DGKQ: variants seen among roughly 807,000 people sequenced by gnomAD.
DGKQ encodes the protein DAG kinase theta.
A neutral mutation model predicts 104.2 loss-of-function variants in DGKQ; 97 were observed. The observed-to-expected ratio is 0.93, with a 90% confidence interval of 0.79 to 1.10. The LOEUF (loss-of-function observed/expected upper bound fraction) is 1.10, where lower values mean the gene tolerates loss of function less well. DGKQ is among the 50% of genes least tolerant of loss of function. The pLI is 0.00. For missense variants in DGKQ, 1,465 were observed against 1,352.1 expected (o/e 1.08, Z -1.31); for synonymous variants, 736 against 595.2 (o/e 1.24, Z -3.44).
At chr4:972,505 C>T (rs1415104111) in intron 1 of DGKQ, among the ~76,000 whole-genome samples, 1 of 152,202 alleles carries the variant, frequency 6.6e-6, no homozygotes, top group Non-Finnish European at 1.5e-5. Context: ...GGCCAGGACA[C>T]AGTAAGTGTC....
chr4:970,733 C>G (rs1202907764), intron 2 of DGKQ, among the ~76,000 whole-genome samples: 2 of 152,142 alleles, frequency 1.3e-5, no homozygotes, highest in Non-Finnish European at 2.9e-5. Context: ...CATCTGTGCT[C>G]CCTTTAGTTT....
At position 961,084 on chromosome 4, in the gene DGKQ, G is replaced by C; in HGVS notation, c.2692C>G (p.Pro898Ala). ...QVDGEPWVQA[P>A]GHMIISAAGP... ...GCAGCTGAGATGATCATGTGCCCCG[G>C]GGCCTGGACCCAGGGCTCCCCGTCC... The change falls in exon 22 of 23, where the codon CCG becomes GCG. Residue 898 changes from proline (P) to alanine (A), a missense_variant. Physicochemically the swap from Pro to Ala is conservative, Grantham distance 27. Transcript: ENST00000273814. 1.2e-6 allele frequency: 2 copies of C among 1,612,314 alleles called. No homozygotes were observed. Among genetic ancestry groups the C allele is most frequent in the Admixed American group, 1.7e-5 (1 of 59,988 alleles).
At position 967,310 on chromosome 4, in the gene DGKQ, G is replaced by C; in HGVS notation, c.1039C>G (p.Leu347Val). 2 of 1,540,524 alleles carry C rather than the reference G, an allele frequency of 1.3e-6. No homozygotes were observed. Among genetic ancestry groups the C allele is most frequent in the Non-Finnish European group, 1.7e-6 (2 of 1,148,082 alleles). Residue 347 changes from leucine to valine, a missense_variant, in exon 9 of 23, where the codon CTG becomes GTG. Transcript: ENST00000273814. Reference protein sequence around the residue: ...HIPEDPGHLELCRLPPSSQAC... With the variant: ...HIPEDPGHLEVCRLPPSSQAC... ...TGAGAGGAAGGGGGCAGCCGGCACAGCTCCAGGTGGCCAGGGTCCTCGGGG... is the reference window on the plus strand; with the variant it reads ...TGAGAGGAAGGGGGCAGCCGGCACACCTCCAGGTGGCCAGGGTCCTCGGGG...
chr4:973,487 G>A lies in DGKQ; in HGVS notation c.-5C>T. 1 of 984,916 alleles carries A rather than the reference G, an allele frequency of 1.0e-6. No individual in the cohort carries two copies. The highest frequency in any genetic ancestry group is 1.2e-6 in the Non-Finnish European group (1 of 831,060). The allele number at this position is 984,916 out of a possible 1,614,324, so 61.0% of individuals were successfully genotyped here. On this transcript the variant is annotated 5_prime_UTR_variant, in exon 1 of 23. Coordinates refer to ENST00000273814, the MANE Select transcript of DGKQ (RefSeq NM_001347.4). ...GGGCTCGGCCGCCGCCGCCATTCCC[G>A]GCCCGAGCGGCCCGAGCCCCTTTAG... is the stretch of plus-strand genomic sequence containing the variant.
At chr4:966,115 AACGGC>A in intron 12 of DGKQ, 37 bp from the exon 13 acceptor site, 1 of 1,562,150 alleles carries the variant, frequency 6.4e-7, no homozygotes, top group Non-Finnish European at 8.7e-7. Flanking sequence ...GGCCGGGGAG[AACGGC>A]ACCACCGCAC....
In DGKQ at chr4:963,249, G is replaced by A. The variant is rs559401862; in HGVS notation, c.1776C>T (p.Phe592=). The change falls in exon 16 of 23, where the codon TTC becomes TTT. Residue 592 remains phenylalanine, a synonymous_variant. Transcript: ENST00000273814. ...LPPDSCPLLV[F]VNPKSGGLKG... ...TGAGGCCTCCACTCTTGGGGTTCAC[G>A]AACACAAGGAGGGGACAGCTGTCTG... 22 of 1,610,844 alleles carry A rather than the reference G, an allele frequency of 1.4e-5. No homozygotes were observed. Among genetic ancestry groups the A allele is most frequent in the East Asian group, 4.5e-5 (2 of 44,806 alleles).
chr4:964,604 C>T (rs574165293), intron 15 of DGKQ, among the ~76,000 whole-genome samples: 6 of 152,146 alleles, frequency 3.9e-5, no homozygotes, highest in Non-Finnish European at 7.4e-5. Context: ...TTGCCAGGTG[C>T]CCCCTCTTCT....
chr4:967,906 A>T lies in DGKQ; in HGVS notation c.785T>A (p.Phe262Tyr). 1 of 1,456,760 alleles carries T rather than the reference A, an allele frequency of 6.9e-7. No homozygotes were observed. The allele number at this position is 1,456,760 out of a possible 1,614,324, so 90.2% of individuals were successfully genotyped here. Reference sequence around the variant, plus strand: ...CGGCTCCGCGGCCTCCACGATGCGGAAGCTCTGCGTCTTGCTGAAGCCGCC... The same window carrying T: ...CGGCTCCGCGGCCTCCACGATGCGGTAGCTCTGCGTCTTGCTGAAGCCGCC... ...LPGGFSKTQS[F>Y]RIVEAAEPGE... The change falls in exon 6 of 23, where the codon TTC becomes TAC. Residue 262 changes from phenylalanine (F) to tyrosine (Y), a missense_variant. Physicochemically the swap from Phe to Tyr is conservative, Grantham distance 22. Coordinates refer to ENST00000273814, the MANE Select transcript of DGKQ (RefSeq NM_001347.4).
intron 15 of DGKQ, among the ~76,000 whole-genome samples, chr4:964,500 G>A (rs138129081): frequency 2.1e-5 from 3 of 145,052 alleles, no homozygotes; most frequent in African/African-American, 7.5e-5. Context: ...CGTTCCCCCC[G>A]GCCCTGCCCT....
chr4:962,704 C>A, intron 17 of DGKQ, 68 bp downstream of exon 17: 1 of 1,591,242 alleles, frequency 6.3e-7, no homozygotes, highest in Non-Finnish European at 8.6e-7. Flanking sequence ...CAGCCCAGGC[C>A]TCGGCAAAAG....
At chr4:963,822 C>T (rs1425113466) in intron 15 of DGKQ, among the ~76,000 whole-genome samples, 1 of 152,194 alleles carries the variant, frequency 6.6e-6, no homozygotes, top group African/African-American at 2.4e-5. Context: ...ACACACAACC[C>T]CAAGAAACAG....
Position 961,045 on chromosome 4 carries a change from A to T in DGKQ, c.2727+4T>A, listed in dbSNP as rs1157831562. On this transcript the variant is annotated splice_donor_region_variant and intron_variant, in intron 22 of 22. Coordinates refer to ENST00000273814, the MANE Select transcript of DGKQ (RefSeq NM_001347.4). Reference sequence around the variant, plus strand: ...CCCTGGCTCTCCAGCCTCACCCCACATACCTTAGGGCCAGCAGCTGAGATG... The same window carrying T: ...CCCTGGCTCTCCAGCCTCACCCCACTTACCTTAGGGCCAGCAGCTGAGATG... 6 of 1,611,678 alleles carry T rather than the reference A, an allele frequency of 3.7e-6. No homozygotes were observed. The African/African-American group carries it at 8.0e-5, about 22-fold the overall frequency.
chr4:967,718 G>A lies in DGKQ; in HGVS notation c.886+10C>T, dbSNP rs761437853. 17 of 1,611,520 alleles carry A rather than the reference G, an allele frequency of 1.1e-5. No individual in the cohort carries two copies. Among genetic ancestry groups the A allele is most frequent in the Non-Finnish European group, 1.3e-5 (15 of 1,179,398 alleles). Reference sequence around the variant, plus strand: ...TCAGTGGAGTTGGGGGGAATGAGGCGGGCACTTACCGGACTCCGGAGTTGC... The same window carrying A: ...TCAGTGGAGTTGGGGGGAATGAGGCAGGCACTTACCGGACTCCGGAGTTGC... On this transcript the variant is annotated intron_variant, in intron 7 of 22. Transcript: ENST00000273814.
chr4:971,217 T>A lies in DGKQ; in HGVS notation c.272-145A>T. 1.6e-6 allele frequency: 1 copy of A among 615,230 alleles called. No homozygotes were observed. The highest frequency in any genetic ancestry group is 1.9e-5 in the South Asian group (1 of 52,846). 38.1% of individuals were successfully genotyped at this position (615,230 alleles called of 1,614,324 possible). A position where few individuals can be genotyped will look rare whatever the true frequency, so the allele number is the denominator to read the frequency against. On this transcript the variant is annotated intron_variant, in intron 1 of 22. Transcript: ENST00000273814. The surrounding 1 kb of genome is among the most constrained non-coding windows in gnomAD (Gnocchi z 4.0). ...TGGTCCTCGAGTTCCCCCACCACCC[T>A]GCCCACTCATTGGAGAGAGCCTGCA... is the stretch of plus-strand genomic sequence containing the variant.
At chr4:964,878 G>C (rs866020800) in intron 15 of DGKQ, among the ~76,000 whole-genome samples, 6 of 152,196 alleles carry the variant, frequency 3.9e-5, no homozygotes, top group Admixed American at 2.0e-4. Flanking sequence ...CTCAGGTGCA[G>C]CGTGGAAGCT....
In DGKQ at chr4:967,168, C is replaced by G; in HGVS notation, c.1181G>C (p.Arg394Pro). The change falls in exon 9 of 23, where the codon CGG becomes CCG. Residue 394 changes from arginine (R) to proline (P), a missense_variant. Physicochemically the swap from Arg to Pro is moderately radical, Grantham distance 103 (BLOSUM62 -2). Transcript: ENST00000273814. ...PEAWVIRALP[R>P]AQEVLKIYPG... is the part of the protein sequence containing the mutation. ...GTAGATCTTCAGGACCTCCTGGGCC[C>G]GCGGCAGAGCCCGGATGACCCAGGC... 6.3e-7 allele frequency: 1 copy of G among 1,598,780 alleles called. No individual in the cohort carries two copies. The highest frequency in any genetic ancestry group is 8.5e-7 in the Non-Finnish European group (1 of 1,173,386).
chr4:966,491 A>G lies in DGKQ; in HGVS notation c.1403T>C (p.Leu468Pro), dbSNP rs1353361274. The change falls in exon 12 of 23, where the codon CTG becomes CCG. Residue 468 changes from leucine (L) to proline (P), a missense_variant. Leu to Pro is a moderately conservative substitution (Grantham distance 98). Transcript: ENST00000273814. Reference sequence around the variant, plus strand: ...CTGCCGGATGTCCTGTAGCCGGTCCAGCAGGGGCTGTTCGTCCATCAGCAT... The same window carrying G: ...CTGCCGGATGTCCTGTAGCCGGTCCGGCAGGGGCTGTTCGTCCATCAGCAT... The part of the protein sequence containing the change: ...RTMLMDEQPL[L>P]DRLQDIRQMS... 2 of 1,612,504 alleles carry G rather than the reference A, an allele frequency of 1.2e-6. No homozygotes were observed. The highest frequency in any genetic ancestry group is 2.7e-5 in the African/African-American group (2 of 74,948).
At position 971,928 on chromosome 4, in the gene DGKQ, C is replaced by T. The variant is rs1437915572; in HGVS notation, c.272-856G>A. Reference sequence around the variant, plus strand: ...CCTTCACCTGCTGCAGCCCTAGCCACCCCAGTCTCCAGATGGGACCGGGAG... The same window carrying T: ...CCTTCACCTGCTGCAGCCCTAGCCATCCCAGTCTCCAGATGGGACCGGGAG... On this transcript the variant is annotated intron_variant, in intron 1 of 22. Coordinates refer to ENST00000273814, the MANE Select transcript of DGKQ (RefSeq NM_001347.4). This position sits in a 1 kb window ranked among gnomAD's most constrained non-coding sequence, Gnocchi z 4.0. Among the ~76,000 whole-genome samples, 4 of 152,112 alleles carry T rather than the reference C, an allele frequency of 2.6e-5. No individual in the cohort carries two copies. The highest frequency in any genetic ancestry group is 1.3e-4 in the Admixed American group (2 of 15,276).
In DGKQ at chr4:962,424, C is replaced by A. The variant is rs1354220354; in HGVS notation, c.2214+11G>T. 1.3e-6 allele frequency: 2 copies of A among 1,553,080 alleles called. No homozygotes were observed. Among genetic ancestry groups the A allele is most frequent in the East Asian group, 2.4e-5 (1 of 41,898 alleles). ...AGCCTGGAAGGCACCCCACGCCGGG[C>A]TGCCCTGTACCTTGGGGGGCTCTGC... is the stretch of plus-strand genomic sequence containing the variant. On this transcript the variant is annotated intron_variant, in intron 18 of 22. Coordinates refer to ENST00000273814, the MANE Select transcript of DGKQ (RefSeq NM_001347.4).
Sources: gnomAD v4.1 joint callset for allele counts (sites outside exome capture counted in the v4.1 genomes callset) on GRCh38, gnomAD v4.1.1 for gene constraint, Gnocchi (gnomAD v3.1) non-coding constraint, MANE v1.5 for transcripts, NCBI Gene and HGNC (gene_info 2026-07-23, HGNC 2026-07-21) for gene names.